Variants in ASIC2 observed in about 807,000 individuals in gnomAD.
ASIC2 encodes acid sensing ion channel subunit 2, also known as acid-sensing ion channel 2.
ASIC2 carries 25 observed loss-of-function variants against 57.3 expected under a neutral mutation model. The observed-to-expected ratio is 0.44, with a 90% confidence interval of 0.32 to 0.61. The LOEUF (loss-of-function observed/expected upper bound fraction) is 0.61. ASIC2 is among the 20% of genes least tolerant of loss of function. The pLI is 0.06. For missense variants in ASIC2, 641 were observed against 738.1 expected (o/e 0.87, Z 1.52); for synonymous variants, 319 against 307.5 (o/e 1.04, Z -0.39).
At chr17:33,561,071 T>A (rs147448428) in intron 1 of ASIC2, among the ~76,000 whole-genome samples, 5 of 152,262 alleles carry the variant, frequency 3.3e-5, no homozygotes, top group African/African-American at 1.2e-4. Flanking sequence ...GGGTAATGAA[T>A]GCAGTGTTAC....
At chr17:33,588,267 A>G (rs1904705389) in intron 1 of ASIC2, among the ~76,000 whole-genome samples, 1 of 152,192 alleles carries the variant, frequency 6.6e-6, no homozygotes, top group Admixed American at 6.5e-5. Flanking sequence ...TTATCATGGA[A>G]ATAGCACAGA....
At position 33,491,935 on chromosome 17, in the gene ASIC2, C is replaced by G. The variant is rs575231092; in HGVS notation, c.556-379868G>C. On this transcript the variant is annotated intron_variant, in intron 1 of 9. Coordinates refer to the ASIC2 transcript ENST00000359872. The stretch of plus-strand genomic sequence containing the variant: ...TTTTCTCCTCGTGGCCCTAATTTTG[C>G]CTTCCAGGAAAGAGCTGAGCAAGTC... Among the ~76,000 whole-genome samples the G allele has an allele frequency of 1.4e-4, 22 of 152,284 alleles. No homozygotes were observed. The South Asian group carries it at 4.6e-3, about 32-fold the overall frequency.
At chr17:33,981,076 C>G (rs1469444278) in intron 1 of ASIC2, among the ~76,000 whole-genome samples, 2 of 152,016 alleles carry the variant, frequency 1.3e-5, no homozygotes, top group Non-Finnish European at 2.9e-5. Context: ...GCTGAGACCA[C>G]AGGCGTGCAC....
chr17:33,966,074 A>G (rs1280163984), intron 1 of ASIC2, among the ~76,000 whole-genome samples: 2 of 152,238 alleles, frequency 1.3e-5, no homozygotes, highest in Non-Finnish European at 2.9e-5. Context: ...CTATTGTTCA[A>G]GGCATTTTAG....
At chr17:33,543,095 A>G (rs1415220063) in intron 1 of ASIC2, among the ~76,000 whole-genome samples, 2 of 134,892 alleles carry the variant, frequency 1.5e-5, no homozygotes. Flanking sequence ...ATGAGATCAC[A>G]TGGACACAGG....
At chr17:33,690,599 C>CG (rs1171996707) in intron 1 of ASIC2, among the ~76,000 whole-genome samples, 1 of 151,960 alleles carries the variant, frequency 6.6e-6, no homozygotes, top group African/African-American at 2.4e-5. Context: ...AGAAACAATG[C>CG]GGGAGGGGAC....
intron 1 of ASIC2, chr17:33,290,782 T>C (rs1480606630): frequency 2.0e-5 from 3 of 152,176 alleles, no homozygotes; most frequent in Admixed American, 2.0e-4. Flanking sequence ...AGCCAAAGCA[T>C]GCTGCTGCCT....
At chr17:33,953,439 G>C (rs946163609) in intron 1 of ASIC2, among the ~76,000 whole-genome samples, 3 of 152,174 alleles carry the variant, frequency 2.0e-5, no homozygotes, top group Middle Eastern at 3.4e-3. Context: ...TAGACACTGT[G>C]ATCGTAATTT....
chr17:33,034,287 C>A (rs1021585626), intron 3 of ASIC2, among the ~76,000 whole-genome samples: 2 of 152,138 alleles, frequency 1.3e-5, no homozygotes, highest in African/African-American at 4.8e-5. Flanking sequence ...AGGTTTCCAG[C>A]CAGAAAAATC....
intron 1 of ASIC2, among the ~76,000 whole-genome samples, chr17:34,009,678 G>A (rs2142020311): frequency 6.6e-6 from 1 of 152,322 alleles, no homozygotes; most frequent in Non-Finnish European, 1.5e-5. Flanking sequence ...CCAAGCACAT[G>A]CTGGTTTATA....
intron 1 of ASIC2, among the ~76,000 whole-genome samples, chr17:33,735,362 G>T (rs529983490): frequency 2.0e-4 from 31 of 152,256 alleles, no homozygotes; most frequent in African/African-American, 7.5e-4. Context: ...AGGGCTCCGT[G>T]CTTTTCCTGG....
chr17:33,916,985 T>C (rs576850622), intron 1 of ASIC2, among the ~76,000 whole-genome samples: 1 of 152,214 alleles, frequency 6.6e-6, no homozygotes, highest in African/African-American at 2.4e-5. Context: ...GTGGTGTGGG[T>C]GGTCCTGAAG....
At chr17:33,636,298 G>A (rs916207572) in intron 1 of ASIC2, among the ~76,000 whole-genome samples, 1 of 152,128 alleles carries the variant, frequency 6.6e-6, no homozygotes, top group African/African-American at 2.4e-5. Context: ...GATATCCTGA[G>A]TTTGACCATT....
intron 1 of ASIC2, chr17:33,935,571 G>T (rs986560500): frequency 6.6e-6 from 1 of 152,118 alleles, no homozygotes; most frequent in Non-Finnish European, 1.5e-5. Flanking sequence ...ACCATCCATG[G>T]TGCCAAGCCC....
intron 1 of ASIC2, among the ~76,000 whole-genome samples, chr17:34,091,183 C>T (rs1910317372): frequency 6.6e-6 from 1 of 152,218 alleles, no homozygotes; most frequent in Non-Finnish European, 1.5e-5. Flanking sequence ...GTCCACATTG[C>T]CAATCTCAAA....
At chr17:33,776,220 A>T (rs896779348) in intron 1 of ASIC2, among the ~76,000 whole-genome samples, 1 of 151,718 alleles carries the variant, frequency 6.6e-6, no homozygotes, top group East Asian at 1.9e-4. Flanking sequence ...GGTTATTGGT[A>T]TTAGGAGGTG....
intron 1 of ASIC2, among the ~76,000 whole-genome samples, chr17:33,542,080 C>T (rs1054636538): frequency 2.0e-5 from 3 of 152,234 alleles, no homozygotes; most frequent in Non-Finnish European, 4.4e-5. Context: ...AAATACTTGA[C>T]TCCTTTGGTT....
chr17:33,285,032 A>G (rs1905090647), intron 1 of ASIC2, among the ~76,000 whole-genome samples: 2 of 152,200 alleles, frequency 1.3e-5, no homozygotes, highest in African/African-American at 4.8e-5. Context: ...ATTGACATCC[A>G]ATTGAGTCAA....
chr17:33,787,300 G>A (rs1911635237), intron 1 of ASIC2, among the ~76,000 whole-genome samples: 1 of 152,208 alleles, frequency 6.6e-6, no homozygotes, highest in African/African-American at 2.4e-5. Flanking sequence ...TGGATAAAGT[G>A]GTATCTGTGG....
Sources: gnomAD v4.1 joint callset for allele counts (sites outside exome capture counted in the v4.1 genomes callset) on GRCh38, gnomAD v4.1.1 for gene constraint, MANE v1.5 for transcripts, NCBI Gene and HGNC (gene_info 2026-07-23, HGNC 2026-07-21) for gene names.